The following PIAS1 variants were observed in gnomAD, a reference collection of about 807,000 sequenced individuals.
PIAS1 encodes the protein E3 SUMO-protein ligase PIAS1.
Under a neutral mutation model 71.3 loss-of-function variants are expected in PIAS1, and 6 were observed. The observed-to-expected ratio is 0.08, with a 90% CI of 0.05 to 0.17. The LOEUF is 0.17. PIAS1 is among the 10% of genes least tolerant of loss of function. The probability of loss-of-function intolerance (pLI) is 1.00; values close to 1 mark genes in which losing one functional copy is unlikely to be tolerated. For synonymous variants in PIAS1, 303 were observed against 292.9 expected, an observed-to-expected ratio of 1.03 and a Z score of -0.35; for missense variants, 555 against 793.6, an observed-to-expected ratio of 0.70 and a Z score of 3.61.
At chr15:68,104,778 A>C (rs1378923784) in intron 2 of PIAS1, among the ~76,000 whole-genome samples, 1 of 152,214 alleles carries the variant, frequency 6.6e-6, no homozygotes, top group East Asian at 1.9e-4. Flanking sequence ...CATTGTATGC[A>C]TGTACAAAAA....
intron 1 of PIAS1, among the ~76,000 whole-genome samples, chr15:68,070,987 T>G (rs886968763): frequency 6.6e-6 from 1 of 152,118 alleles, no homozygotes; most frequent in Non-Finnish European, 1.5e-5. Flanking sequence ...TATTTGCAGC[T>G]TACATTGTAT....
At chr15:68,105,276 A>G (rs958026952) in intron 2 of PIAS1, among the ~76,000 whole-genome samples, 9 of 152,204 alleles carry the variant, frequency 5.9e-5, no homozygotes, top group African/African-American at 1.9e-4. Context: ...AAGTTTTTCT[A>G]GAATTTATCT....
chr15:68,131,510 A>AACCC (rs1425332015), intron 2 of PIAS1, among the ~76,000 whole-genome samples: 1 of 151,944 alleles, frequency 6.6e-6, no homozygotes, highest in African/African-American at 2.4e-5. Context: ...CCTATCTTCT[A>AACCC]ACCATATCTG....
Position 68,186,948 on chromosome 15 carries a change from A to G in PIAS1, c.1663-594A>G, listed in dbSNP as rs183866803. On this transcript the variant is annotated intron_variant, in intron 13 of 13. Coordinates refer to ENST00000249636, the MANE Select transcript of PIAS1 (RefSeq NM_016166.3). This position sits in a 1 kb window ranked among gnomAD's most constrained non-coding sequence, Gnocchi z 4.4. ...CCTAATGATGCATTTCTCAAAACACATCCGTGTCATTAAGCGACGCATGAC... is the reference window on the plus strand; with the variant it reads ...CCTAATGATGCATTTCTCAAAACACGTCCGTGTCATTAAGCGACGCATGAC... Among the ~76,000 whole-genome samples, 735 of 152,320 alleles carry G rather than the reference A, an allele frequency of 4.8e-3. 5 individuals are homozygous for G. The highest frequency in any genetic ancestry group is 0.017 in the African/African-American group (689 of 41,582).
At chr15:68,120,715 C>T (rs534261893) in intron 2 of PIAS1, among the ~76,000 whole-genome samples, 2 of 152,096 alleles carry the variant, frequency 1.3e-5, no homozygotes, top group Non-Finnish European at 1.5e-5. Context: ...AGTGCAGTGG[C>T]GTGATCTCAG....
chr15:68,154,530 A>T (rs1385554995), intron 7 of PIAS1, among the ~76,000 whole-genome samples: 1 of 152,216 alleles, frequency 6.6e-6, no homozygotes, highest in Non-Finnish European at 1.5e-5. Flanking sequence ...GTACTTAGGA[A>T]CACTCTGGTG....
chr15:68,151,683 A>AACACACACACACACACAC (rs754171390), intron 6 of PIAS1, among the ~76,000 whole-genome samples: 10 of 134,860 alleles, frequency 7.4e-5, no homozygotes, highest in Middle Eastern at 3.7e-3. Flanking sequence ...AAAAAAACAA[A>AACACACACACACACACAC]ACACACACAC....
chr15:68,088,093 A>G (rs1464385865), intron 2 of PIAS1, among the ~76,000 whole-genome samples: 1 of 149,700 alleles, frequency 6.7e-6, no homozygotes, highest in Non-Finnish European at 1.5e-5. Context: ...AAGGAATCAT[A>G]TACATAGTAT....
chr15:68,106,667 C>T (rs948852139), intron 2 of PIAS1, among the ~76,000 whole-genome samples: 1 of 151,998 alleles, frequency 6.6e-6, no homozygotes, highest in Non-Finnish European at 1.5e-5. Context: ...TGTAGACATG[C>T]CTCTTCTTAT....
chr15:68,127,124 C>G (rs909249878), intron 2 of PIAS1, among the ~76,000 whole-genome samples: 1 of 151,616 alleles, frequency 6.6e-6, no homozygotes, highest in Non-Finnish European at 1.5e-5. Flanking sequence ...TGGGGTTTCA[C>G]TATGTTGGCC....
chr15:68,080,846 A>G (rs1446570306), intron 1 of PIAS1, among the ~76,000 whole-genome samples: 1 of 152,224 alleles, frequency 6.6e-6, no homozygotes, highest in Non-Finnish European at 1.5e-5. Context: ...ATAAATTGAT[A>G]CCAGATAAAG....
rs547409715 is a variant in PIAS1, at chr15:68,178,035, T to C, written c.1481+1381T>C. Among the ~76,000 whole-genome samples, 2 of 152,064 alleles carry C rather than the reference T, an allele frequency of 1.3e-5. No individual in the cohort carries two copies. Among genetic ancestry groups the C allele is most frequent in the Non-Finnish European group, 2.9e-5 (2 of 68,006 alleles). On this transcript the variant is annotated intron_variant, in intron 11 of 13. Transcript: ENST00000249636. The surrounding 1 kb of genome is among the most constrained non-coding windows in gnomAD (Gnocchi z 4.2). ...TGCCTGGAGTCAAATCATTTTCAGGTTTGACATTGTATGATGAGATTAAAG... is the reference window on the plus strand; with the variant it reads ...TGCCTGGAGTCAAATCATTTTCAGGCTTGACATTGTATGATGAGATTAAAG...
rs1221871252 is a variant in PIAS1, at chr15:68,193,033, T to TGC, written c.*5199_*5200dup. ...CTGGATGGACTCCCAGAAAGCCTAG[T>TGC]GCTCCTACTACTGTTTTCCAGGGCT... is the stretch of plus-strand genomic sequence containing the variant. On this transcript the variant is annotated 3_prime_UTR_variant, in exon 14 of 14. Transcript: ENST00000249636. The TGC allele has an allele frequency of 6.6e-6, 1 of 152,310 alleles. No individual in the cohort carries two copies. The highest frequency in any genetic ancestry group is 1.5e-5 in the Non-Finnish European group (1 of 68,118). 9.4% of individuals were successfully genotyped at this position (152,310 alleles called of 1,614,324 possible).
rs2093008390 is a variant in PIAS1, at chr15:68,174,222, A to G, written c.1169+330A>G. Among the ~76,000 whole-genome samples the G allele has an allele frequency of 6.6e-6, 1 of 152,202 alleles. No homozygotes were observed. Among genetic ancestry groups the G allele is most frequent in the African/African-American group, 2.4e-5 (1 of 41,454 alleles). ...CCATCCATCCCTAGATATGCAGACC[A>G]TATTGGAACAAGAATGTATGGGGAA... On this transcript the variant is annotated intron_variant, in intron 9 of 13. Coordinates refer to ENST00000249636, the MANE Select transcript of PIAS1 (RefSeq NM_016166.3). The surrounding 1 kb of genome is among the most constrained non-coding windows in gnomAD (Gnocchi z 4.0).
chr15:68,134,379 C>G (rs1425374078), intron 2 of PIAS1, among the ~76,000 whole-genome samples: 5 of 45,578 alleles, frequency 1.1e-4, no homozygotes, highest in Admixed American at 5.2e-4. Flanking sequence ...CCCCCCACCT[C>G]CCTCCCAGAC....
In PIAS1 at chr15:68,187,418, A is replaced by G; in HGVS notation, c.1663-124A>G. 1 of 855,062 alleles carries G rather than the reference A, an allele frequency of 1.2e-6. No homozygotes were observed. The highest frequency in any genetic ancestry group is 1.8e-6 in the Non-Finnish European group (1 of 556,620). 53.0% of individuals were successfully genotyped at this position (855,062 alleles called of 1,614,324 possible). On this transcript the variant is annotated intron_variant, in intron 13 of 13. Coordinates refer to ENST00000249636, the MANE Select transcript of PIAS1 (RefSeq NM_016166.3). The surrounding 1 kb of genome is among the most constrained non-coding windows in gnomAD (Gnocchi z 5.3). ...ATTTGATTTTGCAAAATGTCTTAGTAAATATTTCAGAAACCCTAGATACTC... is the reference window on the plus strand; with the variant it reads ...ATTTGATTTTGCAAAATGTCTTAGTGAATATTTCAGAAACCCTAGATACTC...
intron 8 of PIAS1, among the ~76,000 whole-genome samples, chr15:68,172,577 A>C (rs780544655): frequency 3.3e-5 from 5 of 152,162 alleles, no homozygotes; most frequent in Non-Finnish European, 7.4e-5. Flanking sequence ...TCTCCAGCAC[A>C]AGCGTTTATA....
At chr15:68,152,522 A>G (rs1345207409) in intron 6 of PIAS1, among the ~76,000 whole-genome samples, 1 of 152,178 alleles carries the variant, frequency 6.6e-6, no homozygotes, top group Non-Finnish European at 1.5e-5. Flanking sequence ...GCAGTTGCCT[A>G]ATCATGAGCA....
At chr15:68,071,906 C>A (rs1457465444) in intron 1 of PIAS1, among the ~76,000 whole-genome samples, 1 of 151,904 alleles carries the variant, frequency 6.6e-6, no homozygotes, top group Non-Finnish European at 1.5e-5. Flanking sequence ...CATGATCATG[C>A]TACTGCATTC....
Sources: gnomAD v4.1 joint callset for allele counts (sites outside exome capture counted in the v4.1 genomes callset) on GRCh38, gnomAD v4.1.1 for gene constraint, Gnocchi (gnomAD v3.1) non-coding constraint, MANE v1.5 for transcripts, NCBI Gene and HGNC (gene_info 2026-07-23, HGNC 2026-07-21) for gene names.